AREL1: variants seen among roughly 807,000 people sequenced by gnomAD.
AREL1 encodes apoptosis resistant E3 ubiquitin protein ligase 1.
A neutral mutation model predicts 99.0 loss-of-function variants in AREL1; 62 were observed. The observed-to-expected ratio is 0.63, with a 90% CI of 0.51 to 0.77. The LOEUF is 0.77. Ranked by LOEUF, AREL1 falls within the 30% of genes least tolerant of loss-of-function variation. The pLI, the probability that AREL1 is intolerant of heterozygous loss-of-function variation, is 0.00. For synonymous variants in AREL1, 380 were observed against 376.5 expected (o/e 1.01, Z -0.11); for missense variants, 879 against 1,027.6 (o/e 0.86, Z 1.98).
intron 12 of AREL1, 89 bp from the exon 13 acceptor site, chr14:74,670,960 A>C (rs1158757875): frequency 9.8e-6 from 10 of 1,018,428 alleles, no homozygotes; most frequent in Non-Finnish European, 1.3e-5. Flanking sequence ...TACTCTCCAC[A>C]TTCCCTCTAT....
rs2089457308 is a variant in AREL1, at chr14:74,675,803, G to A, written c.976C>T (p.Pro326Ser). Residue 326 changes from proline (P) to serine (S), a missense_variant, in exon 8 of 20, where the codon CCA becomes TCA. Coordinates refer to ENST00000356357, the MANE Select transcript of AREL1 (RefSeq NM_001039479.2). ...PMHMTSSQRR[P>S]STAVDEEDED... is the part of the protein sequence containing the mutation. Reference sequence around the variant, plus strand: ...TCTTCCTCGTCAACAGCAGTGGATGGCCGGCGCTGGGAAGAGGTCATGTGC... The same window carrying A: ...TCTTCCTCGTCAACAGCAGTGGATGACCGGCGCTGGGAAGAGGTCATGTGC... 1 of 1,614,064 alleles carries A rather than the reference G, an allele frequency of 6.2e-7. No homozygotes were observed. The highest frequency in any genetic ancestry group is 1.3e-5 in the African/African-American group (1 of 74,930).
chr14:74,676,889 C>T (rs910269919), intron 5 of AREL1, 137 bp from the exon 6 acceptor site: 32 of 660,370 alleles, frequency 4.8e-5, no homozygotes, highest in Admixed American at 3.9e-5. Flanking sequence ...CTCTGCCTTC[C>T]GGGCTCATGC....
At chr14:74,680,428 G>C (rs74752190) in intron 5 of AREL1, among the ~76,000 whole-genome samples, 1 of 152,302 alleles carries the variant, frequency 6.6e-6, no homozygotes, top group African/African-American at 2.4e-5. Flanking sequence ...AGGATGTGAA[G>C]AAACTGGATT....
chr14:74,689,012 A>ATT (rs80335637), intron 2 of AREL1, among the ~76,000 whole-genome samples: 7 of 131,944 alleles, frequency 5.3e-5, no homozygotes, highest in African/African-American at 1.4e-4. Flanking sequence ...AATTTTTTGT[A>ATT]TTTTTTTTTT....
intron 17 of AREL1, among the ~76,000 whole-genome samples, chr14:74,666,589 T>A (rs2089214137): frequency 6.6e-6 from 1 of 152,196 alleles, no homozygotes; most frequent in African/African-American, 2.4e-5. Flanking sequence ...TTTGTCTTAT[T>A]CGTTACTCTC....
intron 17 of AREL1, among the ~76,000 whole-genome samples, chr14:74,665,904 G>A (rs1468909213): frequency 6.6e-6 from 1 of 152,168 alleles, no homozygotes; most frequent in Admixed American, 6.5e-5. Context: ...AGCAGGATGT[G>A]GAACAACTGT....
At chr14:74,703,751 T>C (rs906020888) in intron 1 of AREL1, among the ~76,000 whole-genome samples, 4 of 152,212 alleles carry the variant, frequency 2.6e-5, no homozygotes, top group Non-Finnish European at 4.4e-5. Context: ...TGAAGGACAT[T>C]TGGGTTACAT....
intron 1 of AREL1, among the ~76,000 whole-genome samples, chr14:74,707,973 A>C (rs547582962): frequency 1.3e-5 from 2 of 152,036 alleles, no homozygotes; most frequent in Non-Finnish European, 2.9e-5. Flanking sequence ...AAAAAAAAAA[A>C]AAAGAAATTA....
chr14:74,676,296 G>A lies in AREL1; in HGVS notation c.677C>T (p.Thr226Ile), dbSNP rs1395268117. The A allele has an allele frequency of 2.5e-6, 4 of 1,614,002 alleles. No individual in the cohort carries two copies. Among genetic ancestry groups the A allele is most frequent in the Non-Finnish European group, 3.4e-6 (4 of 1,180,028 alleles). The change falls in exon 7 of 20, where the codon ACT becomes ATT. Residue 226 changes from threonine to isoleucine, a missense_variant. By Grantham distance (89) the Thr-to-Ile change is moderately conservative. Transcript: ENST00000356357. ...HELGPQEEESTGVSFEKSVTS... is the reference protein window; with the variant it reads ...HELGPQEEESIGVSFEKSVTS... The stretch of plus-strand genomic sequence containing the variant: ...TACTGATTTCTCAAATGAGACACCA[G>A]TACTCTCTTCTTCTTGAGGGCCGAG...
chr14:74,712,810 T>C (rs573133377), intron 1 of AREL1, 123 bp downstream of exon 1: 24 of 387,160 alleles, frequency 6.2e-5, no homozygotes, highest in South Asian at 5.1e-4. Context: ...GGAGAATGTG[T>C]TCCCCCAAAC....
chr14:74,691,360 A>C (rs1210161047), intron 2 of AREL1, among the ~76,000 whole-genome samples: 2 of 151,236 alleles, frequency 1.3e-5, no homozygotes, highest in East Asian at 1.9e-4. Context: ...CCTACGTCTA[A>C]CTCCGAAGCT....
Position 74,667,465 on chromosome 14 carries a change from C to G in AREL1, c.2044G>C (p.Gly682Arg). The change falls in exon 16 of 20, where the codon GGC becomes CGC. Residue 682 changes from glycine to arginine, a missense_variant and splice_region_variant. Physicochemically the swap from Gly to Arg is moderately radical, Grantham distance 125. Coordinates refer to ENST00000356357, the MANE Select transcript of AREL1 (RefSeq NM_001039479.2). ...AGGCCAAGAACAGACAGGATCCCAC[C>G]TTTTAGGAAATGTTCCACCTCCTCT... ...VKEEVEHFLKGLNELVPENLL... is the reference protein window; with the variant it reads ...VKEEVEHFLKRLNELVPENLL... 1 of 1,613,538 alleles carries G rather than the reference C, an allele frequency of 6.2e-7. No homozygotes were observed. The highest frequency in any genetic ancestry group is 8.5e-7 in the Non-Finnish European group (1 of 1,179,590).
chr14:74,706,988 T>C (rs188211493), intron 1 of AREL1, among the ~76,000 whole-genome samples: 1 of 152,314 alleles, frequency 6.6e-6, no homozygotes, highest in East Asian at 1.9e-4. Context: ...AATGACTCTC[T>C]TCAACACTCG....
rs752599769 is a variant in AREL1 at position 74,712,038 on chromosome 14, C to CAAAAAAAAAAAAA, written c.-334+882_-334+894dup. The stretch of plus-strand genomic sequence containing the variant: ...TAGCTGGAGAATGGAAGACAAAGTG[C>CAAAAAAAAAAAAA]AAAAAAAAAAAAAAAAAAAAAAAAA... On this transcript the variant is annotated intron_variant, in intron 1 of 19. Coordinates refer to ENST00000356357, the MANE Select transcript of AREL1 (RefSeq NM_001039479.2). 55 of 28,690 alleles carry CAAAAAAAAAAAAA rather than the reference C, an allele frequency of 1.9e-3. 2 individuals carry two copies. The highest frequency in any genetic ancestry group is 2.9e-3 in the Admixed American group (5 of 1,740). 1.8% of individuals were successfully genotyped at this position (28,690 alleles called of 1,614,324 possible).
chr14:74,677,446 T>C (rs1250786337), intron 5 of AREL1, among the ~76,000 whole-genome samples: 1 of 150,938 alleles, frequency 6.6e-6, no homozygotes, highest in Non-Finnish European at 1.5e-5. Flanking sequence ...CAGTGAGCTA[T>C]GACCACACCA....
At position 74,682,275 on chromosome 14, in the gene AREL1, C is replaced by A. The variant is rs546973806; in HGVS notation, c.481+1021G>T. On this transcript the variant is annotated intron_variant, in intron 5 of 19. Transcript: ENST00000356357. ...ACAAATCTTAAGGCCCCACTCAGTA[C>A]GGTTTCACTTCAAAAGTTACCCAGG... Among the ~76,000 whole-genome samples, 65 of 152,298 alleles carry A rather than the reference C, an allele frequency of 4.3e-4. 1 individual carries two copies. Among genetic ancestry groups the A allele is most frequent in the African/African-American group, 1.5e-3 (62 of 41,554 alleles).
intron 17 of AREL1, among the ~76,000 whole-genome samples, chr14:74,665,472 C>T (rs948841222): frequency 1.3e-5 from 2 of 152,094 alleles, no homozygotes; most frequent in Non-Finnish European, 2.9e-5. Context: ...CACACACACA[C>T]AAACTGTTTC....
intron 1 of AREL1, among the ~76,000 whole-genome samples, chr14:74,710,956 G>A (rs2090268911): frequency 6.6e-6 from 1 of 152,206 alleles, no homozygotes; most frequent in African/African-American, 2.4e-5. Flanking sequence ...CTGGTGCCAG[G>A]CACGGTGGCT....
chr14:74,667,921 A>G (rs1050834424), intron 15 of AREL1, among the ~76,000 whole-genome samples: 2 of 152,264 alleles, frequency 1.3e-5, no homozygotes, highest in Admixed American at 6.5e-5. Flanking sequence ...ATCCAAAATG[A>G]AACCACTATT....
Sources: gnomAD v4.1 joint callset for allele counts (sites outside exome capture counted in the v4.1 genomes callset) on GRCh38, gnomAD v4.1.1 for gene constraint, MANE v1.5 for transcripts, NCBI Gene and HGNC (gene_info 2026-07-23, HGNC 2026-07-21) for gene names.